EFTUD2: variants seen among roughly 807,000 people sequenced by gnomAD.
The protein encoded by EFTUD2 is 116 kDa U5 small nuclear ribonucleoprotein component.
A neutral mutation model predicts 114.3 loss-of-function variants in EFTUD2; 9 were observed. That is an observed-to-expected ratio of 0.08 (90% CI 0.05 to 0.14). The LOEUF is 0.14. EFTUD2 is among the 10% of genes least tolerant of loss of function. The probability of loss-of-function intolerance (pLI) is 1.00; values close to 1 mark genes in which losing one functional copy is unlikely to be tolerated. For synonymous variants in EFTUD2, 449 were observed against 462.3 expected, an observed-to-expected ratio of 0.97 and a Z score of 0.37; for missense variants, 765 against 1,241.2, an observed-to-expected ratio of 0.62 and a Z score of 5.76.
At position 44,896,182 on chromosome 17, in the gene EFTUD2, T is replaced by C. The variant is rs144925112; in HGVS notation, c.-4-1657A>G. 5.6e-3 allele frequency among the ~76,000 whole-genome samples: 860 copies of C among 152,380 alleles called. 20 individuals are homozygous for C. The highest frequency in any genetic ancestry group is 0.04 in the Admixed American group (610 of 15,308). Reference sequence around the variant, plus strand: ...ATTGTAAAGTTACTCATTTTCCCTTTGTAATTAAGTAGTGTTTTGTGGGTT... The same window carrying C: ...ATTGTAAAGTTACTCATTTTCCCTTCGTAATTAAGTAGTGTTTTGTGGGTT... On this transcript the variant is annotated intron_variant, in intron 1 of 27. Coordinates refer to ENST00000426333, the MANE Select transcript of EFTUD2 (RefSeq NM_004247.4).
chr17:44,851,142 T>C lies in EFTUD2; in HGVS notation c.*132A>G. 1 of 736,952 alleles carries C rather than the reference T, an allele frequency of 1.4e-6. No homozygotes were observed. Among genetic ancestry groups the C allele is most frequent in the Non-Finnish European group, 2.4e-6 (1 of 419,768 alleles). The allele number at this position is 736,952 out of a possible 1,614,324, so 45.7% of individuals were successfully genotyped here. ...GGGCTCTGGGTTGGAGGTTGGTGAG[T>C]TGTTCAAGATGGCAACAGCAGCTTC... is the stretch of plus-strand genomic sequence containing the variant. On this transcript the variant is annotated 3_prime_UTR_variant, in exon 28 of 28. Transcript: ENST00000426333.
intron 11 of EFTUD2, among the ~76,000 whole-genome samples, chr17:44,870,108 T>C (rs904364901): frequency 6.6e-6 from 1 of 152,162 alleles, no homozygotes; most frequent in Non-Finnish European, 1.5e-5. Flanking sequence ...GTGCTGACTT[T>C]ACAGAAGTCT....
chr17:44,877,815 A>AAAC (rs142050964), intron 9 of EFTUD2, among the ~76,000 whole-genome samples: 36,967 of 149,530 alleles, frequency 0.25, 4,825 homozygotes, highest in African/African-American at 0.33. Flanking sequence ...CAAAAAAACA[A>AAAC]AACAACAACA....
At chr17:44,894,593 C>T (rs948145395) in intron 1 of EFTUD2, 68 bp from the exon 2 acceptor site, 35 of 1,179,780 alleles carry the variant, frequency 3.0e-5, no homozygotes, top group Non-Finnish European at 4.4e-5. Context: ...GTGGCTCCAC[C>T]TGTCTAGTCT....
intron 6 of EFTUD2, among the ~76,000 whole-genome samples, chr17:44,882,174 T>TC (rs1307864943): frequency 3.3e-5 from 5 of 152,070 alleles, no homozygotes; most frequent in Non-Finnish European, 7.4e-5. Context: ...CCTCATGTGA[T>TC]CCCCCCGGCT....
At chr17:44,894,593 C>A (rs948145395) in intron 1 of EFTUD2, 68 bp from the exon 2 acceptor site, 3 of 1,179,778 alleles carry the variant, frequency 2.5e-6, no homozygotes, top group Non-Finnish European at 3.8e-6. Context: ...GTGGCTCCAC[C>A]TGTCTAGTCT....
At chr17:44,865,817 A>T in intron 13 of EFTUD2, among the ~76,000 whole-genome samples, 1 of 152,018 alleles carries the variant, frequency 6.6e-6, no homozygotes, top group East Asian at 1.9e-4. Flanking sequence ...GTCATGCTAT[A>T]TTCCCTTTTT....
rs1008506978 is a variant in EFTUD2 at position 44,861,733 on chromosome 17, CA to C, written c.1607+979del. Among the ~76,000 whole-genome samples the C allele has an allele frequency of 8.3e-3, 1,206 of 145,148 alleles. 12 individuals carry two copies. The highest frequency in any genetic ancestry group is 0.028 in the African/African-American group (1,122 of 39,614). On this transcript the variant is annotated intron_variant, in intron 16 of 27. Coordinates refer to ENST00000426333, the MANE Select transcript of EFTUD2 (RefSeq NM_004247.4). ...TGGGCGACAGAGTGAGACTCCATCT[CA>C]AAAAAAAAAGCATCACAGAAAACTT... is the stretch of plus-strand genomic sequence containing the variant.
At position 44,899,385 on chromosome 17, in the gene EFTUD2, TAA is replaced by T. The variant is rs2051470236; in HGVS notation, c.-23_-22del. On this transcript the variant is annotated 5_prime_UTR_variant, in exon 1 of 28. Coordinates refer to ENST00000426333, the MANE Select transcript of EFTUD2 (RefSeq NM_004247.4). ...TCAACTTACCTCTCGCCTGCTCAGC[TAA>T]GAGTTCCCAGGCCGCTGCCGGAGAT... 1 of 152,284 alleles carries T rather than the reference TAA, an allele frequency of 6.6e-6. No individual in the cohort carries two copies. The highest frequency in any genetic ancestry group is 2.4e-5 in the African/African-American group (1 of 41,460). 9.4% of individuals were successfully genotyped at this position (152,284 alleles called of 1,614,324 possible). A position where few individuals can be genotyped will look rare whatever the true frequency, so the allele number is the denominator to read the frequency against.
chr17:44,888,651 T>C (rs2051219353), intron 2 of EFTUD2, among the ~76,000 whole-genome samples: 1 of 152,136 alleles, frequency 6.6e-6, no homozygotes, highest in Non-Finnish European at 1.5e-5. Context: ...GAGTCAAAAC[T>C]GTTTTCTAAT....
rs947920725 is a variant in EFTUD2 at position 44,850,769 on chromosome 17, G to A, written c.*505C>T. ...ATGGGAACACTGAATTAAAAGGCAG[G>A]CGGCTTCCCTGGGGACCCAGGCAGG... On this transcript the variant is annotated 3_prime_UTR_variant, in exon 28 of 28. Coordinates refer to ENST00000426333, the MANE Select transcript of EFTUD2 (RefSeq NM_004247.4). 1 of 227,916 alleles carries A rather than the reference G, an allele frequency of 4.4e-6. No individual in the cohort carries two copies. The highest frequency in any genetic ancestry group is 9.1e-5 in the East Asian group (1 of 10,954). The allele number at this position is 227,916 out of a possible 1,614,324, so 14.1% of individuals were successfully genotyped here.
At chr17:44,853,452 C>A (rs778743918) in intron 24 of EFTUD2, 62 bp from the exon 25 acceptor site, 4 of 1,612,140 alleles carry the variant, frequency 2.5e-6, no homozygotes, top group Non-Finnish European at 3.4e-6. Context: ...TATAGTCCCA[C>A]TTGCTCCTTC....
At position 44,872,483 on chromosome 17, in the gene EFTUD2, C is replaced by A. The variant is rs759148814; in HGVS notation, c.957G>T (p.Thr319=). Residue 319 remains threonine (T), a synonymous_variant, in exon 11 of 28, where the codon ACG becomes ACT. Transcript: ENST00000426333. ...CATAGATCTTGGCAAAGGAGCCCAGCGTGAAGCAGATGCTGTACTGGGAGC... is the reference window on the plus strand; with the variant it reads ...CATAGATCTTGGCAAAGGAGCCCAGAGTGAAGCAGATGCTGTACTGGGAGC... ...FSSSQYSICF[T]LGSFAKIYAD... 7.4e-6 allele frequency: 12 copies of A among 1,613,254 alleles called. No individual in the cohort carries two copies. Among genetic ancestry groups the A allele is most frequent in the Non-Finnish European group, 1.0e-5 (12 of 1,179,466 alleles).
Position 44,868,279 on chromosome 17 carries a change from C to CT in EFTUD2, c.1058+7dup, listed in dbSNP as rs764016111. 2.2e-5 allele frequency: 36 copies of CT among 1,613,242 alleles called. No individual in the cohort carries two copies. In the African/African-American group the frequency reaches 4.4e-4, roughly 20 times the overall value. ...CCTCTGGAAAGTCACGTCCCATACT[C>CT]TACTTACGTCTTAGGGTTGAAGTAG... On this transcript the variant is annotated splice_region_variant and intron_variant, in intron 12 of 27. Transcript: ENST00000426333.
chr17:44,878,594 T>G (rs1597814096), intron 9 of EFTUD2, among the ~76,000 whole-genome samples: 1 of 152,356 alleles, frequency 6.6e-6, no homozygotes, highest in African/African-American at 2.4e-5. Context: ...TGTGGTTACA[T>G]AGGTGAATGT....
chr17:44,891,623 T>C (rs1418242140), intron 2 of EFTUD2, among the ~76,000 whole-genome samples: 1 of 152,224 alleles, frequency 6.6e-6, no homozygotes, highest in Non-Finnish European at 1.5e-5. Context: ...GTGCTGGGGT[T>C]ATAGGTGTGA....
chr17:44,875,434 G>A lies in EFTUD2; in HGVS notation c.869+500C>T, dbSNP rs1040398530. Among the ~76,000 whole-genome samples, 18 of 152,078 alleles carry A rather than the reference G, an allele frequency of 1.2e-4. 1 individual carries two copies. Among genetic ancestry groups the A allele is most frequent in the South Asian group, 4.1e-4 (2 of 4,832 alleles). The stretch of plus-strand genomic sequence containing the variant: ...AGTCCCGGCTACTTGAGAGGCTGAG[G>A]CAGGAGAATGGCATGAACCCGGGAG... On this transcript the variant is annotated intron_variant, in intron 10 of 27. Coordinates refer to ENST00000426333, the MANE Select transcript of EFTUD2 (RefSeq NM_004247.4).
intron 11 of EFTUD2, 114 bp downstream of exon 11, chr17:44,872,332 T>C (rs2050869999): frequency 3.6e-6 from 5 of 1,405,172 alleles, no homozygotes; most frequent in South Asian, 2.4e-5. Flanking sequence ...TAACAGGTGA[T>C]AAAATGTTCC....
intron 18 of EFTUD2, chr17:44,859,421 T>C (rs562409332): frequency 1.4e-4 from 82 of 570,488 alleles, no homozygotes; most frequent in Middle Eastern, 9.6e-4. Flanking sequence ...AATTCCCATC[T>C]TAATGATTTA....
Sources: gnomAD v4.1 joint callset for allele counts (sites outside exome capture counted in the v4.1 genomes callset) on GRCh38, gnomAD v4.1.1 for gene constraint, MANE v1.5 for transcripts, NCBI Gene and HGNC (gene_info 2026-07-23, HGNC 2026-07-21) for gene names.